ERO1B: variants seen among roughly 807,000 people sequenced by gnomAD.
ERO1B encodes ERO1-like protein beta.
In ERO1B, 49 loss-of-function variants were observed where a neutral mutation model predicts 75.3. The ratio of observed to expected loss-of-function variants is 0.65; its 90% confidence interval spans 0.52 to 0.83. The LOEUF is 0.83. Ranked by LOEUF, ERO1B falls within the 40% of genes least tolerant of loss-of-function variation. The pLI, the probability that ERO1B is intolerant of heterozygous loss-of-function variation, is 0.00. For missense variants in ERO1B, 512 were observed against 560.1 expected (o/e 0.91, Z 0.87); for synonymous variants, 191 against 192.9 (o/e 0.99, Z 0.08).
At chr1:236,260,423 G>A (rs781112701) in intron 2 of ERO1B, among the ~76,000 whole-genome samples, 3 of 152,196 alleles carry the variant, frequency 2.0e-5, no homozygotes, top group Non-Finnish European at 2.9e-5. Flanking sequence ...ACTTTGGGAA[G>A]CTAAGGCAGG....
intron 6 of ERO1B, among the ~76,000 whole-genome samples, 154 bp downstream of exon 6, chr1:236,243,268 C>A (rs1252818506): frequency 1.3e-5 from 2 of 152,184 alleles, no homozygotes; most frequent in Non-Finnish European, 2.9e-5. Context: ...GGGCCTGGAA[C>A]ACAGGCTCTC....
At position 236,281,689 on chromosome 1, in the gene ERO1B, T is replaced by A. The variant is rs1210849711; in HGVS notation, c.95A>T (p.Glu32Val). 14 of 1,479,940 alleles carry A rather than the reference T, an allele frequency of 9.5e-6. No individual in the cohort carries two copies. In the Admixed American group the frequency reaches 3.0e-4, roughly 31 times the overall value. The allele number at this position is 1,479,940 out of a possible 1,614,324, so 91.7% of individuals were successfully genotyped here. A position where few individuals can be genotyped will look rare whatever the true frequency, so the allele number is the denominator to read the frequency against. The change falls in exon 1 of 16, where the codon GAG becomes GTG. Residue 32 changes from glutamate to valine, a missense_variant. Coordinates refer to ENST00000354619, the MANE Select transcript of ERO1B (RefSeq NM_019891.4). ...GCTATCACTCGGGCTTACCTGCGCCTCGACGACGCTCCGCAGGAAGCTCAG... is the reference window on the plus strand; with the variant it reads ...GCTATCACTCGGGCTTACCTGCGCCACGACGACGCTCCGCAGGAAGCTCAG... ...VTLSFLRSVV[E>V]AQVTGVLDDC...
chr1:236,225,682 C>A lies in ERO1B; in HGVS notation c.1053-543G>T, dbSNP rs147057481. On this transcript the variant is annotated intron_variant, in intron 12 of 15. Coordinates refer to ENST00000354619, the MANE Select transcript of ERO1B (RefSeq NM_019891.4). ...AGGCGCGATGGCCCATGCCTCTAAT[C>A]CCAGCACTTTGGGAGGCAGAGGAGG... Among the ~76,000 whole-genome samples the A allele has an allele frequency of 5.6e-3, 848 of 152,334 alleles. 2 individuals carry two copies. Among genetic ancestry groups the A allele is most frequent in the Non-Finnish European group, 8.4e-3 (572 of 68,034 alleles).
rs1457699260 is a variant in ERO1B, at chr1:236,249,919, C to T, written c.397G>A (p.Ala133Thr). 1.2e-6 allele frequency: 2 copies of T among 1,603,122 alleles called. No homozygotes were observed. The highest frequency in any genetic ancestry group is 1.7e-6 in the Non-Finnish European group (2 of 1,175,836). ...NTKELEDCEQ[A>T]NKLGAINSTL... The stretch of plus-strand genomic sequence containing the variant: ...CTGTTAATTGCTCCCAGTTTATTAG[C>T]TTGCTCACAATCTTCTAATTCTTTG... Residue 133 changes from alanine to threonine, a missense_variant, in exon 5 of 16, where the codon GCT (alanine) becomes ACT (threonine). Physicochemically the swap from Ala to Thr is moderately conservative, Grantham distance 58. Transcript: ENST00000354619.
intron 3 of ERO1B, among the ~76,000 whole-genome samples, chr1:236,252,958 G>GT (rs1665069703): frequency 1.5e-5 from 2 of 132,868 alleles, no homozygotes; most frequent in African/African-American, 5.5e-5. Flanking sequence ...ATTAAGTATA[G>GT]GTTTTTTTTT....
At chr1:236,269,138 A>G (rs11807600) in intron 2 of ERO1B, among the ~76,000 whole-genome samples, 4,280 of 151,948 alleles carry the variant, frequency 0.028, 202 homozygotes, top group African/African-American at 0.098. Context: ...AGAAGGCTGA[A>G]GCAGAAGAAT....
intron 1 of ERO1B, among the ~76,000 whole-genome samples, chr1:236,276,450 C>T (rs1470989392): frequency 6.6e-6 from 1 of 152,160 alleles, no homozygotes; most frequent in African/African-American, 2.4e-5. Flanking sequence ...CTAAGACAGA[C>T]TGGTCCACTA....
At chr1:236,268,616 G>C (rs561386381) in intron 2 of ERO1B, among the ~76,000 whole-genome samples, 3 of 152,324 alleles carry the variant, frequency 2.0e-5, no homozygotes, top group East Asian at 1.9e-4. Flanking sequence ...GCCGGGCGCG[G>C]TGGCTCACGC....
Position 236,269,998 on chromosome 1 carries a change from G to A in ERO1B, c.103-4C>T. ...AATCATCCAGAACTCCAGTGACCTA[G>A]AATTTATATAATTTAAAATATGTAA... On this transcript the variant is annotated splice_polypyrimidine_tract_variant and splice_region_variant and intron_variant, in intron 1 of 15. Coordinates refer to ENST00000354619, the MANE Select transcript of ERO1B (RefSeq NM_019891.4). 3.8e-6 allele frequency: 6 copies of A among 1,568,228 alleles called. No individual in the cohort carries two copies. The highest frequency in any genetic ancestry group is 5.2e-6 in the Non-Finnish European group (6 of 1,150,942).
At chr1:236,256,256 C>T (rs1665156437) in intron 2 of ERO1B, among the ~76,000 whole-genome samples, 1 of 152,176 alleles carries the variant, frequency 6.6e-6, no homozygotes, top group Admixed American at 6.6e-5. Flanking sequence ...GGGGACCTCT[C>T]CATGACAAGA....
chr1:236,230,221 T>A lies in ERO1B; in HGVS notation c.712+3A>T. The A allele has an allele frequency of 6.3e-7, 1 of 1,590,368 alleles. No individual in the cohort carries two copies. Among genetic ancestry groups the A allele is most frequent in the East Asian group, 2.3e-5 (1 of 44,396 alleles). On this transcript the variant is annotated splice_donor_region_variant and intron_variant, in intron 10 of 15. Transcript: ENST00000354619. Reference sequence around the variant, plus strand: ...TCCAATAAATTTAGAACAGACTGTTTACCTTCTAGCCATGTGTAGAATGAT... The same window carrying A: ...TCCAATAAATTTAGAACAGACTGTTAACCTTCTAGCCATGTGTAGAATGAT...
intron 2 of ERO1B, among the ~76,000 whole-genome samples, chr1:236,263,246 G>C (rs1287520495): frequency 2.0e-5 from 3 of 151,724 alleles, no homozygotes; most frequent in Non-Finnish European, 4.4e-5. Flanking sequence ...CTTCAGTTTT[G>C]TTGTTGTTGT....
intron 5 of ERO1B, among the ~76,000 whole-genome samples, chr1:236,245,311 T>C (rs184494595): frequency 2.3e-4 from 5 of 21,732 alleles, no homozygotes; most frequent in Non-Finnish European, 2.9e-4. Context: ...TATATATATA[T>C]ATATATATAT....
At chr1:236,268,654 A>G (rs929254787) in intron 2 of ERO1B, among the ~76,000 whole-genome samples, 2 of 152,076 alleles carry the variant, frequency 1.3e-5, no homozygotes, top group South Asian at 2.1e-4. Context: ...TGGGAGGCCA[A>G]GGCGGGCGGA....
At chr1:236,273,770 C>A (rs972669386) in intron 1 of ERO1B, among the ~76,000 whole-genome samples, 9 of 147,724 alleles carry the variant, frequency 6.1e-5, no homozygotes, top group African/African-American at 2.3e-4. Context: ...CACACCACTG[C>A]ACTCCAGCTT....
intron 15 of ERO1B, chr1:236,220,027 T>TAAAAAAA (rs1558503946): frequency 3.0e-5 from 4 of 132,988 alleles, no homozygotes; most frequent in African/African-American, 9.4e-5. Context: ...CTCATCTCTT[T>TAAAAAAA]TAAAAAAAAA....
Position 236,217,047 on chromosome 1 carries a change from C to G in ERO1B, c.*1469G>C, listed in dbSNP as rs538913393. 32 of 152,032 alleles carry G rather than the reference C, an allele frequency of 2.1e-4. No individual in the cohort carries two copies. The highest frequency in any genetic ancestry group is 7.5e-4 in the African/African-American group (31 of 41,492). 9.4% of individuals were successfully genotyped at this position (152,032 alleles called of 1,614,324 possible). ...ACCTTAATACCCCCACCACATCCCA[C>G]CAAGAGATGGCTAAGTATTTTTAAG... On this transcript the variant is annotated 3_prime_UTR_variant, in exon 16 of 16. Coordinates refer to ENST00000354619, the MANE Select transcript of ERO1B (RefSeq NM_019891.4).
intron 5 of ERO1B, among the ~76,000 whole-genome samples, chr1:236,249,023 ATCTT>A (rs1272225923): frequency 7.9e-6 from 1 of 126,444 alleles, no homozygotes; most frequent in Non-Finnish European, 1.7e-5. Context: ...ATAAATACAA[ATCTT>A]TTTTTTTTTT....
rs1446337902 is a variant in ERO1B, at chr1:236,262,790, A to G, written c.222+7085T>C. 2.0e-5 allele frequency among the ~76,000 whole-genome samples: 3 copies of G among 152,160 alleles called. No homozygotes were observed. The East Asian group carries it at 5.8e-4, about 29-fold the overall frequency. On this transcript the variant is annotated intron_variant, in intron 2 of 15. Coordinates refer to ENST00000354619, the MANE Select transcript of ERO1B (RefSeq NM_019891.4). ...GTGCAACGAGTGGACTGTGGTAGAC[A>G]CTGTAACATACTACTCAGATCACCC...
Sources: gnomAD v4.1 joint callset for allele counts (sites outside exome capture counted in the v4.1 genomes callset) on GRCh38, gnomAD v4.1.1 for gene constraint, MANE v1.5 for transcripts, NCBI Gene and HGNC (gene_info 2026-07-23, HGNC 2026-07-21) for gene names.